PARD3B: variants seen among roughly 807,000 people sequenced by gnomAD.
The protein encoded by PARD3B is par-3 family cell polarity regulator beta.
Under a neutral mutation model 130.2 loss-of-function variants are expected in PARD3B, and 103 were observed. The ratio of observed to expected loss-of-function variants is 0.79; its 90% CI spans 0.67 to 0.93. The LOEUF (loss-of-function observed/expected upper bound fraction) is 0.93. Among genes scored for constraint, PARD3B ranks in the 40% least tolerant of loss-of-function variants. The pLI is 0.00. For missense variants in PARD3B, 1,609 were observed against 1,499.2 expected, an observed-to-expected ratio of 1.07 and a Z score of -1.21; for synonymous variants, 583 against 553.2, an observed-to-expected ratio of 1.05 and a Z score of -0.76.
chr2:204,553,651 C>CATATATATATATAT (rs55744172), intron 1 of PARD3B, among the ~76,000 whole-genome samples: 1 of 83,428 alleles, frequency 1.2e-5, no homozygotes, highest in African/African-American at 6.5e-5. Context: ...TATATATATC[C>CATATATATATATAT]ATATATATAT....
chr2:204,640,480 C>G (rs748568304), intron 1 of PARD3B, among the ~76,000 whole-genome samples: 1 of 152,130 alleles, frequency 6.6e-6, no homozygotes, highest in Non-Finnish European at 1.5e-5. Flanking sequence ...ATGTCTTTAC[C>G]CAGGGTCACA....
intron 15 of PARD3B, among the ~76,000 whole-genome samples, chr2:205,199,715 TC>T (rs1489447806): frequency 6.6e-6 from 1 of 152,080 alleles, no homozygotes; most frequent in Non-Finnish European, 1.5e-5. Context: ...GTTAGTATTA[TC>T]CTCATACATA....
At chr2:205,439,173 C>T (rs1316519641) in intron 19 of PARD3B, among the ~76,000 whole-genome samples, 1 of 152,102 alleles carries the variant, frequency 6.6e-6, no homozygotes, top group African/African-American at 2.4e-5. Flanking sequence ...GGGGAAGATA[C>T]TGATGGGTTT....
chr2:204,687,398 A>G (rs576716358), intron 2 of PARD3B, among the ~76,000 whole-genome samples: 2 of 152,180 alleles, frequency 1.3e-5, no homozygotes, highest in African/African-American at 2.4e-5. Context: ...ATAACTAGCT[A>G]TCTAGATAAA....
intron 4 of PARD3B, among the ~76,000 whole-genome samples, chr2:205,062,495 A>T (rs1300005507): frequency 2.6e-5 from 4 of 152,096 alleles, no homozygotes; most frequent in South Asian, 4.1e-4. Context: ...AAACAGTAGG[A>T]CCACTCTTAT....
intron 2 of PARD3B, among the ~76,000 whole-genome samples, chr2:204,694,317 A>G (rs1347287811): frequency 6.6e-6 from 1 of 151,996 alleles, no homozygotes; most frequent in Non-Finnish European, 1.5e-5. Flanking sequence ...TCTTTTTCAA[A>G]TGTTATTGGC....
intron 3 of PARD3B, among the ~76,000 whole-genome samples, chr2:205,020,120 C>A (rs1400695940): frequency 6.6e-6 from 1 of 152,142 alleles, no homozygotes; most frequent in African/African-American, 2.4e-5. Flanking sequence ...CACCATGTCA[C>A]TGATTTTATA....
intron 3 of PARD3B, among the ~76,000 whole-genome samples, chr2:205,032,552 C>T (rs958284420): frequency 1.3e-5 from 2 of 152,172 alleles, no homozygotes; most frequent in African/African-American, 2.4e-5. Flanking sequence ...AGATTTTCCT[C>T]TGGCACTTTC....
intron 1 of PARD3B, among the ~76,000 whole-genome samples, chr2:204,651,503 C>T (rs986837182): frequency 2.0e-5 from 3 of 152,240 alleles, no homozygotes; most frequent in African/African-American, 7.2e-5. Flanking sequence ...CAGCTCTGCC[C>T]CTGTGGCTCT....
intron 16 of PARD3B, among the ~76,000 whole-genome samples, chr2:205,285,864 A>AC (rs1413222603): frequency 6.6e-6 from 1 of 152,130 alleles, no homozygotes; most frequent in Non-Finnish European, 1.5e-5. Context: ...ACAAAGAGAT[A>AC]CCCATATTGT....
intron 1 of PARD3B, among the ~76,000 whole-genome samples, chr2:204,643,129 A>AAAAAAAAAAAAAAAAAAC (rs2035148410): frequency 1.4e-5 from 2 of 144,262 alleles, no homozygotes; most frequent in African/African-American, 5.0e-5. Flanking sequence ...AAAAAAAAAA[A>AAAAAAAAAAAAAAAAAAC]AAAAAAATGT....
At chr2:205,398,794 C>A (rs1194565581) in intron 18 of PARD3B, among the ~76,000 whole-genome samples, 1 of 151,822 alleles carries the variant, frequency 6.6e-6, no homozygotes, top group East Asian at 1.9e-4. Flanking sequence ...CTATGGGATT[C>A]TGAAGAAGAC....
chr2:204,896,362 G>A (rs1338625046), intron 2 of PARD3B, among the ~76,000 whole-genome samples: 1 of 152,136 alleles, frequency 6.6e-6, no homozygotes, highest in Non-Finnish European at 1.5e-5. Context: ...ATCTAGAGGC[G>A]CTGTGCTGCA....
At chr2:204,975,644 A>G (rs1466955169) in intron 3 of PARD3B, among the ~76,000 whole-genome samples, 1 of 152,172 alleles carries the variant, frequency 6.6e-6, no homozygotes, top group African/African-American at 2.4e-5. Context: ...AAACCCATTG[A>G]TGATCTTTTC....
At chr2:205,217,043 A>G (rs769557810) in intron 15 of PARD3B, among the ~76,000 whole-genome samples, 1 of 152,070 alleles carries the variant, frequency 6.6e-6, no homozygotes, top group Non-Finnish European at 1.5e-5. Flanking sequence ...AAGTAACAGA[A>G]GGCAAAAGGG....
chr2:204,586,989 T>A (rs959778957), intron 1 of PARD3B, among the ~76,000 whole-genome samples: 44 of 152,186 alleles, frequency 2.9e-4, no homozygotes, highest in African/African-American at 1.0e-3. Context: ...TGTGGAATAG[T>A]GGAATGCTAG....
intron 2 of PARD3B, among the ~76,000 whole-genome samples, chr2:204,889,838 T>C (rs2046385297): frequency 6.6e-6 from 1 of 151,582 alleles, no homozygotes; most frequent in African/African-American, 2.4e-5. Context: ...AAACTGAAGA[T>C]GTTAGGACTC....
intron 2 of PARD3B, among the ~76,000 whole-genome samples, chr2:204,891,214 A>G (rs769914933): frequency 4.3e-5 from 6 of 141,084 alleles, no homozygotes; most frequent in Admixed American, 2.2e-4. Flanking sequence ...ACCTTGTGCT[A>G]TTAAATACCT....
intron 20 of PARD3B, among the ~76,000 whole-genome samples, chr2:205,490,633 G>T (rs1237143241): frequency 1.3e-5 from 2 of 152,116 alleles, no homozygotes; most frequent in Non-Finnish European, 2.9e-5. Flanking sequence ...ACCCAGTAAT[G>T]GGATGGCTGG....
Sources: gnomAD v4.1 joint callset for allele counts (sites outside exome capture counted in the v4.1 genomes callset) on GRCh38, gnomAD v4.1.1 for gene constraint, MANE v1.5 for transcripts, NCBI Gene and HGNC (gene_info 2026-07-23, HGNC 2026-07-21) for gene names.